Variants in CHTF8 observed in about 807,000 individuals in gnomAD.
The protein encoded by CHTF8 is chromosome transmission fidelity factor 8.
A neutral mutation model predicts 11.0 loss-of-function variants in CHTF8; 6 were observed. That is an observed-to-expected ratio of 0.55 (90% confidence interval 0.30 to 1.08). The LOEUF (loss-of-function observed/expected upper bound fraction) is 1.08. Ranked by LOEUF, CHTF8 falls within the 50% of genes least tolerant of loss-of-function variation. The pLI is 0.07. For missense variants in CHTF8, 140 were observed against 153.1 expected, an observed-to-expected ratio of 0.91 and a Z score of 0.45; for synonymous variants, 53 against 60.5, an observed-to-expected ratio of 0.88 and a Z score of 0.57.
rs766219774 is a variant in CHTF8, at chr16:69,118,520, G to C, written c.*1905C>G. On this transcript the variant is annotated 3_prime_UTR_variant, in exon 4 of 4. Transcript: ENST00000448552. The stretch of plus-strand genomic sequence containing the variant: ...TGTGAACTGGGACCTGCAGGCCAAT[G>C]TATCCCTGAGGAAAAGTCCACAAGA... 3 of 994,304 alleles carry C rather than the reference G, an allele frequency of 3.0e-6. No individual in the cohort carries two copies. The highest frequency in any genetic ancestry group is 4.9e-6 in the Non-Finnish European group (3 of 614,998). The allele number at this position is 994,304 out of a possible 1,614,324, so 61.6% of individuals were successfully genotyped here.
chr16:69,129,515 G>A (rs1407327212), intron 1 of CHTF8, among the ~76,000 whole-genome samples: 1 of 151,102 alleles, frequency 6.6e-6, no homozygotes, highest in Non-Finnish European at 1.5e-5. Flanking sequence ...TTTCTCACAA[G>A]CTAGCCTCGT....
chr16:69,122,291 A>G (rs1379219907), intron 1 of CHTF8, among the ~76,000 whole-genome samples: 5 of 152,156 alleles, frequency 3.3e-5, no homozygotes, highest in Admixed American at 6.5e-5. Context: ...GGAAAAGATG[A>G]TATGAACCGA....
Position 69,127,601 on chromosome 16 carries a change from CTTTT to C in CHTF8, c.-36+4879_-36+4882del, listed in dbSNP as rs71383961. 6.7e-5 allele frequency among the ~76,000 whole-genome samples: 7 copies of C among 104,398 alleles called. No individual in the cohort carries two copies. In the East Asian group the frequency reaches 1.8e-3, roughly 26 times the overall value. 68.5% of individuals were successfully genotyped at this position (104,398 alleles called of 152,430 possible). On this transcript the variant is annotated intron_variant, in intron 1 of 3. Coordinates refer to ENST00000448552, the MANE Select transcript of CHTF8 (RefSeq NM_001039690.5). ...GTCAGTGGAAGAGCTCTCCCGGCAA[CTTTT>C]TTTTTTTTTTTTTTTTTTTTGTGAG...
At chr16:69,131,472 G>A (rs902335876) in intron 1 of CHTF8, 3 of 147,888 alleles carry the variant, frequency 2.0e-5, no homozygotes, top group African/African-American at 5.0e-5. Context: ...CTCCCTCTGT[G>A]CTCTTCCTCC....
chr16:69,126,326 C>T (rs1032248665), intron 1 of CHTF8, among the ~76,000 whole-genome samples: 2 of 152,206 alleles, frequency 1.3e-5, no homozygotes, highest in African/African-American at 4.8e-5. Context: ...CCTGGACAGT[C>T]TCCTGTTCTG....
chr16:69,125,929 C>T (rs574583941), intron 1 of CHTF8, among the ~76,000 whole-genome samples: 1 of 152,028 alleles, frequency 6.6e-6, no homozygotes, highest in African/African-American at 2.4e-5. Context: ...CTTTAAAGAC[C>T]CCAAGTTCTA....
chr16:69,119,678 C>A lies in CHTF8; in HGVS notation c.*747G>T. On this transcript the variant is annotated 3_prime_UTR_variant, in exon 4 of 4. Coordinates refer to ENST00000448552, the MANE Select transcript of CHTF8 (RefSeq NM_001039690.5). ...GTGCCCAAGAGGCCACCTGCTCTGG[C>A]ATCTAGATTAGGGCCTGGGCCCAGG... The A allele has an allele frequency of 1.5e-6, 1 of 674,284 alleles. No individual in the cohort carries two copies. Among genetic ancestry groups the A allele is most frequent in the South Asian group, 1.6e-5 (1 of 64,302 alleles). The allele number at this position is 674,284 out of a possible 1,614,324, so 41.8% of individuals were successfully genotyped here. A position where few individuals can be genotyped will look rare whatever the true frequency, so the allele number is the denominator to read the frequency against.
chr16:69,132,278 G>GCGCCGCCCTCC (rs1338070613), intron 1 of CHTF8: 12 of 35,764 alleles, frequency 3.4e-4, no homozygotes, highest in African/African-American at 1.0e-3. Flanking sequence ...CCCCACCTCC[G>GCGCCGCCCTCC]CGCCGCCCTC....
chr16:69,118,456 G>C lies in CHTF8; in HGVS notation c.*1969C>G, dbSNP rs968445391. ...TTCACCAACGCCACGTTTCTAGAGA[G>C]CAGTGAGCTGATTCTCCAATGGTGA... On this transcript the variant is annotated 3_prime_UTR_variant, in exon 4 of 4. Coordinates refer to ENST00000448552, the MANE Select transcript of CHTF8 (RefSeq NM_001039690.5). 6.3e-7 allele frequency: 1 copy of C among 1,594,214 alleles called. No individual in the cohort carries two copies. Among genetic ancestry groups the C allele is most frequent in the African/African-American group, 1.3e-5 (1 of 74,666 alleles).
chr16:69,130,325 A>G lies in CHTF8; in HGVS notation c.-36+2159T>C, dbSNP rs115178752. Among the ~76,000 whole-genome samples the G allele has an allele frequency of 7.7e-3, 1,177 of 152,234 alleles. 17 individuals carry two copies. Among genetic ancestry groups the G allele is most frequent in the African/African-American group, 0.025 (1,047 of 41,562 alleles). ...TTTTAGAAATTTTGTTTTTTTTTCA[A>G]ACAGGAAACCAAGCCTTTAAATTCT... On this transcript the variant is annotated intron_variant, in intron 1 of 3. Coordinates refer to ENST00000448552, the MANE Select transcript of CHTF8 (RefSeq NM_001039690.5).
chr16:69,121,257 CCT>C, intron 2 of CHTF8, 87 bp from the exon 3 acceptor site: 1 of 1,358,888 alleles, frequency 7.4e-7, no homozygotes, highest in South Asian at 1.3e-5. Context: ...GCCCAAAGGA[CCT>C]CTTTGTTGGA....
At chr16:69,129,912 T>C (rs1343333301) in intron 1 of CHTF8, among the ~76,000 whole-genome samples, 3 of 152,232 alleles carry the variant, frequency 2.0e-5, no homozygotes, top group Non-Finnish European at 2.9e-5. Flanking sequence ...TCATACCCAA[T>C]TGAGATGTTT....
chr16:69,129,887 G>C (rs1391292115), intron 1 of CHTF8, among the ~76,000 whole-genome samples: 1 of 152,180 alleles, frequency 6.6e-6, no homozygotes, highest in South Asian at 2.1e-4. Context: ...AAACAAAGAA[G>C]CAGCTTGCTT....
intron 1 of CHTF8, among the ~76,000 whole-genome samples, chr16:69,121,790 C>T (rs567661609): frequency 2.6e-4 from 39 of 152,314 alleles, no homozygotes; most frequent in African/African-American, 8.9e-4. Context: ...GCCTCAGCCT[C>T]CCGAGTAGCT....
At chr16:69,128,731 G>GC (rs2152272058) in intron 1 of CHTF8, among the ~76,000 whole-genome samples, 1 of 152,112 alleles carries the variant, frequency 6.6e-6, no homozygotes, top group South Asian at 2.1e-4. Context: ...TATTTAACCA[G>GC]CATTTGGCTT....
intron 1 of CHTF8, among the ~76,000 whole-genome samples, chr16:69,121,862 G>A (rs1410924681): frequency 2.0e-5 from 3 of 152,116 alleles, no homozygotes; most frequent in African/African-American, 7.2e-5. Context: ...GTAGAGATGG[G>A]GTTTCACCAT....
chr16:69,128,412 T>C (rs1962245045), intron 1 of CHTF8, among the ~76,000 whole-genome samples: 1 of 152,210 alleles, frequency 6.6e-6, no homozygotes, highest in Admixed American at 6.5e-5. Flanking sequence ...TGTGTAGCCT[T>C]GGAAAGATAA....
rs1368456429 is a variant in CHTF8 at position 69,120,905 on chromosome 16, G to A, written c.141+148C>T. ...ATTAAATTTCCCTGCTACTGCAGAG[G>A]TAGGGGGAGAACAAGCAGAGAGCAT... On this transcript the variant is annotated intron_variant, in intron 3 of 3. Transcript: ENST00000448552. The surrounding 1 kb of genome is among the most constrained non-coding windows in gnomAD (Gnocchi z 4.0). The A allele has an allele frequency of 5.0e-6, 4 of 807,916 alleles. No homozygotes were observed. Among genetic ancestry groups the A allele is most frequent in the Non-Finnish European group, 8.9e-6 (4 of 451,808 alleles). 50.0% of individuals were successfully genotyped at this position (807,916 alleles called of 1,614,324 possible). A position where few individuals can be genotyped will look rare whatever the true frequency, so the allele number is the denominator to read the frequency against.
intron 1 of CHTF8, among the ~76,000 whole-genome samples, chr16:69,126,107 A>G (rs1351386695): frequency 1.3e-5 from 2 of 152,210 alleles, no homozygotes; most frequent in East Asian, 1.9e-4. Flanking sequence ...ATGATGTAGT[A>G]TATTTTCCTG....
Sources: gnomAD v4.1 joint callset for allele counts (sites outside exome capture counted in the v4.1 genomes callset) on GRCh38, gnomAD v4.1.1 for gene constraint, Gnocchi (gnomAD v3.1) non-coding constraint, MANE v1.5 for transcripts, NCBI Gene and HGNC (gene_info 2026-07-23, HGNC 2026-07-21) for gene names.